COL11A1: variants seen among roughly 807,000 people sequenced by gnomAD.
COL11A1 encodes collagen alpha-1(XI) chain.
A neutral mutation model predicts 265.2 loss-of-function variants in COL11A1; 74 were observed. The observed-to-expected ratio is 0.28, with a 90% CI of 0.23 to 0.34. The LOEUF is 0.34. Among genes scored for constraint, COL11A1 ranks in the 10% least tolerant of loss-of-function variants. The probability of loss-of-function intolerance (pLI) is 1.00; values close to 1 mark genes in which losing one functional copy is unlikely to be tolerated. For synonymous variants in COL11A1, 816 were observed against 727.6 expected (o/e 1.12, Z -1.96); for missense variants, 2,165 against 2,263.6 (o/e 0.96, Z 0.88).
intron 15 of COL11A1, among the ~76,000 whole-genome samples, chr1:103,007,056 G>A (rs1042966777): frequency 6.6e-6 from 1 of 151,626 alleles, no homozygotes; most frequent in East Asian, 1.9e-4. Context: ...TATAATGTTG[G>A]ATTGTAATGG....
At chr1:102,982,388 A>G (rs1481908173) in intron 31 of COL11A1, among the ~76,000 whole-genome samples, 1 of 152,048 alleles carries the variant, frequency 6.6e-6, no homozygotes, top group Non-Finnish European at 1.5e-5. Context: ...AAACAAAACA[A>G]TTGCAATTTA....
At chr1:102,883,989 T>C (rs1188289433) in intron 63 of COL11A1, among the ~76,000 whole-genome samples, 2 of 152,138 alleles carry the variant, frequency 1.3e-5, no homozygotes, top group Non-Finnish European at 1.5e-5. Flanking sequence ...GCATGGAAAA[T>C]AGTGGGAGTA....
At chr1:102,905,273 A>G (rs1385691741) in intron 54 of COL11A1, among the ~76,000 whole-genome samples, 1 of 150,756 alleles carries the variant, frequency 6.6e-6, no homozygotes, top group African/African-American at 2.4e-5. Context: ...ACCTAATGCT[A>G]AATGACGAGT....
chr1:102,964,809 G>T (rs1291688213), intron 38 of COL11A1, among the ~76,000 whole-genome samples: 1 of 152,084 alleles, frequency 6.6e-6, no homozygotes, highest in Non-Finnish European at 1.5e-5. Flanking sequence ...AACTAAATGT[G>T]TTCTGCCCAT....
At chr1:102,948,447 AT>A (rs1270775853) in intron 41 of COL11A1, among the ~76,000 whole-genome samples, 1 of 152,050 alleles carries the variant, frequency 6.6e-6, no homozygotes, top group African/African-American at 2.4e-5. Flanking sequence ...GTTTGTAATT[AT>A]TGGGTATCTT....
At chr1:102,915,975 A>G (rs1244340191) in intron 49 of COL11A1, among the ~76,000 whole-genome samples, 3 of 152,174 alleles carry the variant, frequency 2.0e-5, no homozygotes, top group African/African-American at 7.2e-5. Flanking sequence ...AGACATATGC[A>G]TGTTTCCTAA....
intron 49 of COL11A1, among the ~76,000 whole-genome samples, chr1:102,916,326 C>T (rs1655337654): frequency 6.6e-6 from 1 of 152,060 alleles, no homozygotes; most frequent in East Asian, 1.9e-4. Context: ...AAATAAATCT[C>T]TGTAACTAGT....
intron 1 of COL11A1, among the ~76,000 whole-genome samples, chr1:103,106,527 A>T (rs1674702972): frequency 6.6e-6 from 1 of 152,216 alleles, no homozygotes; most frequent in African/African-American, 2.4e-5. Context: ...AGAACTGCTG[A>T]CAGAATTGAC....
intron 4 of COL11A1, among the ~76,000 whole-genome samples, chr1:103,041,524 A>G (rs929806906): frequency 6.6e-6 from 1 of 151,878 alleles, no homozygotes; most frequent in Non-Finnish European, 1.5e-5. Flanking sequence ...TCTTTTAAAA[A>G]TAGTCCCTTA....
rs558202578 is a variant in COL11A1 at position 103,048,436 on chromosome 1, G to T, written c.652-17192C>A. ...CTGATGGTAGTTTGTATTTCTGTGG[G>T]ATCGGTGGTGATATCCCCTTTATCA... On this transcript the variant is annotated intron_variant, in intron 4 of 66. Transcript: ENST00000370096. 3.5e-3 allele frequency among the ~76,000 whole-genome samples: 534 copies of T among 152,196 alleles called. 5 individuals carry two copies. Among genetic ancestry groups the T allele is most frequent in the African/African-American group, 0.013 (519 of 41,510 alleles).
intron 4 of COL11A1, among the ~76,000 whole-genome samples, chr1:103,033,597 G>T (rs1246270281): frequency 3.3e-5 from 5 of 151,768 alleles, no homozygotes; most frequent in African/African-American, 1.2e-4. Context: ...TATAATTATT[G>T]TTTTATGCAA....
At chr1:103,044,888 G>T (rs61816502) in intron 4 of COL11A1, among the ~76,000 whole-genome samples, 26,764 of 151,900 alleles carry the variant, frequency 0.18, 2,427 homozygotes, top group Middle Eastern at 0.2. Context: ...CATAAAGTAA[G>T]AAAGGATAGC....
At chr1:102,917,683 T>C (rs531154237) in intron 49 of COL11A1, among the ~76,000 whole-genome samples, 16 of 152,040 alleles carry the variant, frequency 1.1e-4, no homozygotes, top group Admixed American at 1.0e-3. Context: ...GTTAAATTTA[T>C]GGATATTGTG....
chr1:102,955,602 T>A (rs758573241), intron 41 of COL11A1, among the ~76,000 whole-genome samples: 2 of 152,202 alleles, frequency 1.3e-5, no homozygotes, highest in African/African-American at 2.4e-5. Context: ...AAATAACTGT[T>A]GTTAATGAGA....
intron 28 of COL11A1, among the ~76,000 whole-genome samples, chr1:102,989,772 T>G (rs181558627): frequency 1.5e-3 from 223 of 152,266 alleles, no homozygotes; most frequent in African/African-American, 4.6e-3. Flanking sequence ...ATTTTCACAT[T>G]TATTGGCTAT....
At chr1:102,881,527 T>C (rs1650236966) in intron 65 of COL11A1, among the ~76,000 whole-genome samples, 170 bp downstream of exon 65, 1 of 152,148 alleles carries the variant, frequency 6.6e-6, no homozygotes, top group African/African-American at 2.4e-5. Context: ...GTTAGGTTGC[T>C]TTAAGATACC....
chr1:102,934,715 T>C (rs1206111009), intron 45 of COL11A1, among the ~76,000 whole-genome samples, 159 bp from the exon 46 acceptor site: 2 of 152,204 alleles, frequency 1.3e-5, no homozygotes, highest in Non-Finnish European at 2.9e-5. Flanking sequence ...CAATATACTA[T>C]TGTTTGTTTT....
chr1:102,912,115 G>A (rs1437917526), intron 54 of COL11A1, 44 bp downstream of exon 54: 4 of 1,467,560 alleles, frequency 2.7e-6, no homozygotes, highest in Non-Finnish European at 3.8e-6. Flanking sequence ...TATCCATGGT[G>A]ACTAATGAGC....
intron 57 of COL11A1, among the ~76,000 whole-genome samples, chr1:102,894,313 C>A (rs944313430): frequency 2.0e-5 from 3 of 152,098 alleles, no homozygotes; most frequent in African/African-American, 4.8e-5. Context: ...GTGGATGGAT[C>A]GCTTGAGCCC....
Sources: allele counts gnomAD v4.1 joint callset (sites outside exome capture counted in the v4.1 genomes callset), GRCh38; gene constraint gnomAD v4.1.1; transcripts MANE v1.5; gene names NCBI Gene and HGNC (gene_info 2026-07-23, HGNC 2026-07-21).